The following AUTS2 variants were observed in gnomAD, a reference collection of about 807,000 sequenced individuals.
AUTS2 encodes the protein autism susceptibility gene 2 protein.
A neutral mutation model predicts 112.4 loss-of-function variants in AUTS2; 17 were observed. The ratio of observed to expected loss-of-function variants is 0.15; its 90% CI spans 0.10 to 0.23. AUTS2 has a LOEUF of 0.23. Ranked by LOEUF, AUTS2 falls within the 10% of genes least tolerant of loss-of-function variation. The probability of loss-of-function intolerance (pLI) is 1.00; values close to 1 mark genes in which losing one functional copy is unlikely to be tolerated. For missense variants in AUTS2, 1,510 were observed against 1,701.6 expected (o/e 0.89, Z 1.98); for synonymous variants, 751 against 702.7 (o/e 1.07, Z -1.09).
At chr7:70,729,858 GT>G (rs2129552522) in intron 6 of AUTS2, among the ~76,000 whole-genome samples, 1 of 106,704 alleles carries the variant, frequency 9.4e-6, no homozygotes, top group South Asian at 3.5e-4. Context: ...CCCATTGTAT[GT>G]ATGTATGTAT....
chr7:70,654,335 C>T (rs552115474), intron 5 of AUTS2, among the ~76,000 whole-genome samples: 3 of 152,256 alleles, frequency 2.0e-5, no homozygotes, highest in African/African-American at 4.8e-5. Context: ...TACCCAACTT[C>T]GCTATTGTAA....
At chr7:70,695,647 C>G (rs949602324) in intron 5 of AUTS2, among the ~76,000 whole-genome samples, 32 of 152,364 alleles carry the variant, frequency 2.1e-4, no homozygotes, top group Admixed American at 6.5e-4. Flanking sequence ...CGCTGGGTCC[C>G]ACCCCGTCTG....
chr7:70,633,599 A>AG (rs57048885), intron 5 of AUTS2, among the ~76,000 whole-genome samples: 62,039 of 139,354 alleles, frequency 0.45, 14,582 homozygotes, highest in East Asian at 0.64. Flanking sequence ...CCACAGAGCA[A>AG]GACTCCGTCT....
chr7:70,576,750 A>C (rs1802187633), intron 5 of AUTS2, among the ~76,000 whole-genome samples: 1 of 143,430 alleles, frequency 7.0e-6, no homozygotes, highest in Non-Finnish European at 1.5e-5. Context: ...TGTTTCCTGG[A>C]ATAGTCTTTT....
chr7:69,792,111 T>C (rs544376629), intron 1 of AUTS2, among the ~76,000 whole-genome samples: 72 of 152,198 alleles, frequency 4.7e-4, no homozygotes, highest in Non-Finnish European at 9.4e-4. Context: ...TGATACCTCC[T>C]TCTCCTTGAT....
chr7:69,677,100 G>A (rs1401142982), intron 1 of AUTS2, among the ~76,000 whole-genome samples: 1 of 152,024 alleles, frequency 6.6e-6, no homozygotes, highest in African/African-American at 2.4e-5. Flanking sequence ...TGAGTATAAG[G>A]GTTTCTGAAG....
chr7:70,575,751 A>G (rs1236429885), intron 5 of AUTS2, among the ~76,000 whole-genome samples: 2 of 152,162 alleles, frequency 1.3e-5, no homozygotes, highest in Admixed American at 6.5e-5. Flanking sequence ...GCACATCCTT[A>G]TACCCATTAG....
chr7:70,100,042 A>G (rs191182321), intron 2 of AUTS2, among the ~76,000 whole-genome samples: 98 of 152,300 alleles, frequency 6.4e-4, no homozygotes, highest in African/African-American at 2.2e-3. Flanking sequence ...ACTGTATTCC[A>G]GTTTTAGGAG....
chr7:70,093,488 A>G (rs1050559446), intron 2 of AUTS2, among the ~76,000 whole-genome samples: 1 of 152,258 alleles, frequency 6.6e-6, no homozygotes, highest in Non-Finnish European at 1.5e-5. Context: ...ACTTTTATGG[A>G]CAGGCTTTGC....
intron 1 of AUTS2, among the ~76,000 whole-genome samples, chr7:69,882,064 C>T (rs1224573881): frequency 6.8e-6 from 1 of 146,714 alleles, no homozygotes; most frequent in Non-Finnish European, 1.5e-5. Flanking sequence ...GCAGGAGAAT[C>T]GCTTGAAACT....
chr7:70,084,761 C>T (rs978508614), intron 2 of AUTS2, among the ~76,000 whole-genome samples: 1 of 152,132 alleles, frequency 6.6e-6, no homozygotes, highest in Non-Finnish European at 1.5e-5. Context: ...ATTCTGTATA[C>T]AAGACCTTTA....
intron 5 of AUTS2, among the ~76,000 whole-genome samples, chr7:70,473,552 C>G (rs1346864375): frequency 3.9e-5 from 6 of 152,162 alleles, no homozygotes; most frequent in African/African-American, 1.4e-4. Context: ...ATCTGACTTG[C>G]TTAAGAATAT....
At chr7:69,930,541 A>G (rs1044270337) in intron 2 of AUTS2, among the ~76,000 whole-genome samples, 1 of 146,966 alleles carries the variant, frequency 6.8e-6, no homozygotes, top group African/African-American at 2.5e-5. Context: ...CATGTCTGGT[A>G]TCTTGAAAAC....
chr7:70,223,062 T>C (rs1811569446), intron 4 of AUTS2, among the ~76,000 whole-genome samples: 2 of 152,020 alleles, frequency 1.3e-5, no homozygotes, highest in South Asian at 4.1e-4. Context: ...TAATTTTTTG[T>C]ATTTTTAGTA....
At chr7:69,973,091 T>C (rs1797921603) in intron 2 of AUTS2, among the ~76,000 whole-genome samples, 1 of 152,118 alleles carries the variant, frequency 6.6e-6, no homozygotes, top group Non-Finnish European at 1.5e-5. Context: ...GGTTTGTCTC[T>C]CCGTTTATTT....
Position 70,009,329 on chromosome 7 carries a change from G to A in AUTS2, c.523-108803G>A, listed in dbSNP as rs565344944. Among the ~76,000 whole-genome samples the A allele has an allele frequency of 1.1e-4, 17 of 152,186 alleles. No individual in the cohort carries two copies. The East Asian group carries it at 3.1e-3, about 28-fold the overall frequency. ...CTACTTCCCAATAGTGTTGCATTGG[G>A]GATTCAGTTTCCAACACACAAACTT... On this transcript the variant is annotated intron_variant, in intron 2 of 18. Transcript: ENST00000342771.
At chr7:69,985,413 A>G (rs979277100) in intron 2 of AUTS2, among the ~76,000 whole-genome samples, 7 of 152,084 alleles carry the variant, frequency 4.6e-5, no homozygotes, top group Admixed American at 2.6e-4. Context: ...TGCAGGATAC[A>G]TTGTGGTGAT....
chr7:70,336,103 A>G (rs1482623004), intron 4 of AUTS2, among the ~76,000 whole-genome samples: 1 of 152,224 alleles, frequency 6.6e-6, no homozygotes, highest in African/African-American at 2.4e-5. Context: ...ATGATTCACA[A>G]TCTTTTATGC....
chr7:69,981,904 G>A (rs1019912590), intron 2 of AUTS2, among the ~76,000 whole-genome samples: 4 of 152,076 alleles, frequency 2.6e-5, no homozygotes, highest in East Asian at 3.9e-4. Flanking sequence ...TGTTTGTGAC[G>A]GTTGCATTTG....
Sources: gnomAD v4.1 joint callset for allele counts (sites outside exome capture counted in the v4.1 genomes callset) on GRCh38, gnomAD v4.1.1 for gene constraint, MANE v1.5 for transcripts, NCBI Gene and HGNC (gene_info 2026-07-23, HGNC 2026-07-21) for gene names.